The following RHBDF2 variants were observed in gnomAD, a reference collection of about 807,000 sequenced individuals.
The protein encoded by RHBDF2 is rhomboid 5 homolog 2, also known as inactive rhomboid protein 2.
Under a neutral mutation model 95.2 loss-of-function variants are expected in RHBDF2, and 38 were observed. The observed-to-expected ratio is 0.40, with a 90% CI of 0.31 to 0.52. The LOEUF (loss-of-function observed/expected upper bound fraction) is 0.52. Among genes scored for constraint, RHBDF2 ranks in the 20% least tolerant of loss-of-function variants. The pLI, the probability that RHBDF2 is intolerant of heterozygous loss-of-function variation, is 0.56. For missense variants in RHBDF2, 863 were observed against 1,137.7 expected (o/e 0.76, Z 3.47); for synonymous variants, 442 against 462.0 (o/e 0.96, Z 0.55).
rs760122606 is a variant in RHBDF2 at position 76,478,889 on chromosome 17, G to C, written c.589C>G (p.Arg197Gly). The C allele has an allele frequency of 1.2e-5, 20 of 1,612,406 alleles. No homozygotes were observed. The highest frequency in any genetic ancestry group is 1.7e-5 in the Admixed American group (1 of 59,788). The change falls in exon 6 of 19, where the codon CGT (arginine) becomes GGT (glycine). Residue 197 changes from arginine (R) to glycine (G), a missense_variant. By Grantham distance (125) the Arg-to-Gly change is moderately radical. This residue lies in a region of RHBDF2 where 611 missense variants were observed against 725.5 expected (regional missense o/e 0.84). Coordinates refer to ENST00000675367, the MANE Select transcript of RHBDF2 (RefSeq NM_001005498.4). ...CGTGGCAGGTGGGAGTAGCCAGAAC[G>C]GACACTGGTGAAGGAGGTGAGGGAC... ...VLSLTSFTSV[R>G]SGYSHLPRRK...
intron 1 of RHBDF2, among the ~76,000 whole-genome samples, chr17:76,498,649 G>C (rs1477129809): frequency 1.3e-5 from 2 of 152,210 alleles, no homozygotes; most frequent in African/African-American, 4.8e-5. Flanking sequence ...AGTATCCAGA[G>C]CTGAGGCCAC....
chr17:76,490,097 C>T (rs2074259084), intron 1 of RHBDF2, among the ~76,000 whole-genome samples: 1 of 152,358 alleles, frequency 6.6e-6, no homozygotes, highest in East Asian at 1.9e-4. Flanking sequence ...GTAGCCCACG[C>T]TCCCCATTGA....
chr17:76,501,181 A>G (rs958790666), intron 1 of RHBDF2, 172 bp downstream of exon 1: 2 of 152,210 alleles, frequency 1.3e-5, no homozygotes, highest in African/African-American at 4.8e-5. Context: ...CCGGGCCTCC[A>G]GCCGAGCCCA....
intron 11 of RHBDF2, 51 bp from the exon 12 acceptor site, chr17:76,474,585 G>T: frequency 6.2e-7 from 1 of 1,611,612 alleles, no homozygotes; most frequent in Non-Finnish European, 8.5e-7. Flanking sequence ...CCAGACCTGG[G>T]AGGGGTCCAT....
At chr17:76,475,256 C>G in intron 9 of RHBDF2, 115 bp from the exon 10 acceptor site, 2 of 680,980 alleles carry the variant, frequency 2.9e-6, no homozygotes, top group Non-Finnish European at 5.2e-6. Context: ...TGTTCTGCCC[C>G]GTCAACTCAT....
rs374497069 is a variant in RHBDF2 at position 76,479,723 on chromosome 17, G to A, written c.272+10C>T. On this transcript the variant is annotated intron_variant, in intron 4 of 18. Coordinates refer to ENST00000675367, the MANE Select transcript of RHBDF2 (RefSeq NM_001005498.4). ...TGGGGGGTGCTGGGCTTGGGTGTAG[G>A]GGGGCTCACTTGCGGATGCTCTGGG... The A allele has an allele frequency of 2.3e-4, 370 of 1,601,790 alleles. No individual in the cohort carries two copies. Among genetic ancestry groups the A allele is most frequent in the African/African-American group, 1.4e-3 (107 of 74,858 alleles).
intron 2 of RHBDF2, among the ~76,000 whole-genome samples, chr17:76,486,515 CCA>C: frequency 6.6e-6 from 1 of 152,054 alleles, no homozygotes; most frequent in Middle Eastern, 3.2e-3. Flanking sequence ...GAGTTCAAGA[CCA>C]GCCTGAGCAA....
chr17:76,497,077 C>T (rs2074443957), intron 1 of RHBDF2, among the ~76,000 whole-genome samples: 1 of 152,144 alleles, frequency 6.6e-6, no homozygotes, highest in Non-Finnish European at 1.5e-5. Flanking sequence ...CTTCTTATGA[C>T]TAAATGGAGC....
rs879068465 is a variant in RHBDF2, at chr17:76,471,581, G to T, written c.*52C>A. On this transcript the variant is annotated 3_prime_UTR_variant, in exon 19 of 19. Transcript: ENST00000675367. ...GAGCGCTCTGCAGAGGGCAGCCCTCGCAGGCAGACCCTGTTCCAGCAGGGC... is the reference window on the plus strand; with the variant it reads ...GAGCGCTCTGCAGAGGGCAGCCCTCTCAGGCAGACCCTGTTCCAGCAGGGC... 6 of 1,507,544 alleles carry T rather than the reference G, an allele frequency of 4.0e-6. No individual in the cohort carries two copies. In the East Asian group the frequency reaches 1.2e-4, roughly 30 times the overall value. 93.4% of individuals were successfully genotyped at this position (1,507,544 alleles called of 1,614,324 possible). A position where few individuals can be genotyped will look rare whatever the true frequency, so the allele number is the denominator to read the frequency against.
chr17:76,475,551 A>G (rs1598657277), intron 9 of RHBDF2, among the ~76,000 whole-genome samples: 1 of 149,158 alleles, frequency 6.7e-6, no homozygotes, highest in South Asian at 2.1e-4. Flanking sequence ...CCTCCGGGAC[A>G]CCCACCACAC....
chr17:76,478,755 A>G (rs1348221393), intron 6 of RHBDF2, 51 bp downstream of exon 6: 1 of 1,484,450 alleles, frequency 6.7e-7, no homozygotes, highest in Non-Finnish European at 9.2e-7. Flanking sequence ...GGGAGGGGCA[A>G]GGAAGGGAGG....
In RHBDF2 at chr17:76,477,137, G is replaced by C. The variant is rs778620800; in HGVS notation, c.920+43C>G. 3.7e-6 allele frequency: 6 copies of C among 1,610,542 alleles called. No homozygotes were observed. In the African/African-American group the frequency reaches 8.0e-5, roughly 22 times the overall value. On this transcript the variant is annotated intron_variant, in intron 8 of 18. Coordinates refer to ENST00000675367, the MANE Select transcript of RHBDF2 (RefSeq NM_001005498.4). The stretch of plus-strand genomic sequence containing the variant: ...GGGTGAGGTCTGGGGATGCCCCCAG[G>C]CTGGTGGCTGGCCTGGAGGAGGGAC...
chr17:76,477,732 G>C lies in RHBDF2; in HGVS notation c.726C>G (p.Ser242Arg). The change falls in exon 7 of 19, where the codon AGC (serine) becomes AGG (arginine). Residue 242 changes from serine (S) to arginine (R), a missense_variant. By Grantham distance (110) the Ser-to-Arg change is moderately radical. This residue lies in a region of RHBDF2 where 611 missense variants were observed against 725.5 expected (regional missense o/e 0.84). Coordinates refer to ENST00000675367, the MANE Select transcript of RHBDF2 (RefSeq NM_001005498.4). ...TGQRCRVVKR[S>R]FAFPSFLEED... ...CCTCCAGGAAGCTCGGGAAGGCAAA[G>C]CTGCGCTTGACCACCCGGCACCGCT... The C allele has an allele frequency of 6.2e-7, 1 of 1,613,898 alleles. No homozygotes were observed. The highest frequency in any genetic ancestry group is 8.5e-7 in the Non-Finnish European group (1 of 1,180,022).
chr17:76,479,671 G>A, intron 4 of RHBDF2, 62 bp downstream of exon 4: 1 of 1,330,014 alleles, frequency 7.5e-7, no homozygotes, highest in Non-Finnish European at 1.1e-6. Context: ...ATCATGTCCA[G>A]GCCCCGAGAA....
At chr17:76,486,952 C>CTTTTTTTT (rs34202592) in intron 2 of RHBDF2, among the ~76,000 whole-genome samples, 3 of 72,598 alleles carry the variant, frequency 4.1e-5, no homozygotes, top group Admixed American at 1.9e-4. Flanking sequence ...CGCTTCCTGC[C>CTTTTTTTT]TTTTTTTTTT....
Position 76,473,733 on chromosome 17 carries a change from C to T in RHBDF2, c.1648G>A (p.Glu550Lys). The T allele has an allele frequency of 1.9e-6, 3 of 1,611,694 alleles. No individual in the cohort carries two copies. Among genetic ancestry groups the T allele is most frequent in the Non-Finnish European group, 2.5e-6 (3 of 1,179,054 alleles). Reference protein sequence around the residue: ...DDITKWPICTEQARSNHTGFL... With the variant: ...DDITKWPICTKQARSNHTGFL... ...CCTGTGTGGTTGCTCCTGGCCTGCTCTGTGCAGATCTGCCAGGAGGGGGCA... is the reference window on the plus strand; with the variant it reads ...CCTGTGTGGTTGCTCCTGGCCTGCTTTGTGCAGATCTGCCAGGAGGGGGCA... The change falls in exon 15 of 19, where the codon GAG becomes AAG. Residue 550 changes from glutamate (E) to lysine (K), a missense_variant. Glu to Lys is a moderately conservative substitution (Grantham distance 56). Transcript: ENST00000675367.
chr17:76,488,712 G>A (rs1173575393), intron 1 of RHBDF2, among the ~76,000 whole-genome samples: 1 of 152,178 alleles, frequency 6.6e-6, no homozygotes, highest in Non-Finnish European at 1.5e-5. Flanking sequence ...ACTTTGGGAG[G>A]CTGAGGAGGG....
At chr17:76,494,155 T>A (rs1465875657) in intron 1 of RHBDF2, among the ~76,000 whole-genome samples, 1 of 152,164 alleles carries the variant, frequency 6.6e-6, no homozygotes, top group Non-Finnish European at 1.5e-5. Flanking sequence ...GTCATGTTCT[T>A]AGGGTGGTGC....
At chr17:76,474,881 C>T (rs1219750370) in intron 10 of RHBDF2, 77 bp from the exon 11 acceptor site, 12 of 1,569,168 alleles carry the variant, frequency 7.6e-6, no homozygotes, top group Non-Finnish European at 1.0e-5. Context: ...CAGCTGTCCC[C>T]AGGATAGAGC....
Sources: gnomAD v4.1 joint callset for allele counts (sites outside exome capture counted in the v4.1 genomes callset) on GRCh38, gnomAD v4.1.1 for gene constraint, gnomAD v4.1.1 regional missense constraint, MANE v1.5 for transcripts, NCBI Gene and HGNC (gene_info 2026-07-23, HGNC 2026-07-21) for gene names.